CACNA1B: variants seen among roughly 807,000 people sequenced by gnomAD.
The protein encoded by CACNA1B is voltage-dependent N-type calcium channel subunit alpha-1B.
A neutral mutation model predicts 247.2 loss-of-function variants in CACNA1B; 70 were observed. That is an observed-to-expected ratio of 0.28 (90% CI 0.23 to 0.35). The LOEUF (loss-of-function observed/expected upper bound fraction) is 0.35. Among genes scored for constraint, CACNA1B ranks in the 10% least tolerant of loss-of-function variants. The pLI is 1.00. For synonymous variants in CACNA1B, 1,231 were observed against 1,294.4 expected (o/e 0.95, Z 1.05); for missense variants, 2,367 against 3,197.4 (o/e 0.74, Z 6.26).
rs912916466 is a variant in CACNA1B, at chr9:137,954,553, C to T, written c.1071-1145C>T. 3.3e-5 allele frequency among the ~76,000 whole-genome samples: 5 copies of T among 152,110 alleles called. No homozygotes were observed. Among genetic ancestry groups the T allele is most frequent in the Non-Finnish European group, 7.4e-5 (5 of 68,008 alleles). ...CTCAGATCAGTTCAAGCAGTGATGTCCTTGCCCTTCCCCTGCCCCCCAGGC... is the reference window on the plus strand; with the variant it reads ...CTCAGATCAGTTCAAGCAGTGATGTTCTTGCCCTTCCCCTGCCCCCCAGGC... On this transcript the variant is annotated intron_variant, in intron 7 of 46. Coordinates refer to ENST00000371372, the MANE Select transcript of CACNA1B (RefSeq NM_000718.4). This position sits in a 1 kb window ranked among gnomAD's most constrained non-coding sequence, Gnocchi z 4.1.
Position 138,122,051 on chromosome 9 carries a change from G to A in CACNA1B, c.*52G>A. Reference sequence around the variant, plus strand: ...CATGCAGCAGGCGTGTGTTCCAGTGGATGAGTTTTATCATCCACACGGGGC... The same window carrying A: ...CATGCAGCAGGCGTGTGTTCCAGTGAATGAGTTTTATCATCCACACGGGGC... On this transcript the variant is annotated 3_prime_UTR_variant, in exon 47 of 47. Transcript: ENST00000371372. 4.7e-6 allele frequency: 7 copies of A among 1,501,998 alleles called. No individual in the cohort carries two copies. The highest frequency in any genetic ancestry group is 5.4e-6 in the Non-Finnish European group (6 of 1,119,908). The allele number at this position is 1,501,998 out of a possible 1,614,324, so 93.0% of individuals were successfully genotyped here. A position where few individuals can be genotyped will look rare whatever the true frequency, so the allele number is the denominator to read the frequency against.
chr9:137,949,034 T>C (rs953362683), intron 6 of CACNA1B, among the ~76,000 whole-genome samples: 5 of 146,192 alleles, frequency 3.4e-5, no homozygotes, highest in African/African-American at 1.3e-4. Context: ...GGTGTATACG[T>C]GTGTGGTGTG....
In CACNA1B at chr9:137,914,343, C is replaced by A. The variant is rs1032356447; in HGVS notation, c.623-311C>A. 1.3e-5 allele frequency among the ~76,000 whole-genome samples: 2 copies of A among 151,964 alleles called. No homozygotes were observed. Among genetic ancestry groups the A allele is most frequent in the African/African-American group, 4.8e-5 (2 of 41,326 alleles). ...CTCTGTTGCCCCACCCTGAGCCCCACTCCCCACCCCAGACTTCATACCCTG... is the reference window on the plus strand; with the variant it reads ...CTCTGTTGCCCCACCCTGAGCCCCAATCCCCACCCCAGACTTCATACCCTG... On this transcript the variant is annotated intron_variant, in intron 4 of 46. Transcript: ENST00000371372. This position sits in a 1 kb window ranked among gnomAD's most constrained non-coding sequence, Gnocchi z 4.3.
chr9:138,038,785 G>A (rs1959078887), intron 20 of CACNA1B, among the ~76,000 whole-genome samples: 1 of 152,250 alleles, frequency 6.6e-6, no homozygotes, highest in African/African-American at 2.4e-5. Context: ...GAACCTGACT[G>A]GAGATGCCCT....
intron 43 of CACNA1B, 62 bp downstream of exon 43, chr9:138,118,143 GTT>G: frequency 2.5e-6 from 1 of 401,030 alleles, no homozygotes; most frequent in Non-Finnish European, 3.5e-6. Context: ...GATGGGGGAT[GTT>G]TGAGACTGGG....
chr9:138,000,136 T>C (rs1293433020), intron 15 of CACNA1B, among the ~76,000 whole-genome samples: 2 of 150,518 alleles, frequency 1.3e-5, no homozygotes, highest in South Asian at 2.1e-4. Context: ...TCTCGCTCTG[T>C]CGCCCAGGCT....
rs1406321377 is a variant in CACNA1B, at chr9:138,020,543, T to C, written c.2268-2468T>C. Among the ~76,000 whole-genome samples, 3 of 152,064 alleles carry C rather than the reference T, an allele frequency of 2.0e-5. No individual in the cohort carries two copies. The highest frequency in any genetic ancestry group is 4.2e-4 in the South Asian group (2 of 4,806). ...CAGATTCAGAGACCTAGGGGATACC[T>C]CCAGAGAGGAACTTGGTGGTGCTGG... is the stretch of plus-strand genomic sequence containing the variant. On this transcript the variant is annotated intron_variant, in intron 18 of 46. Transcript: ENST00000371372. This position sits in a 1 kb window ranked among gnomAD's most constrained non-coding sequence, Gnocchi z 4.1.
Position 138,121,422 on chromosome 9 carries a change from T to A in CACNA1B, c.6490-47T>A. The A allele has an allele frequency of 1.6e-6, 2 of 1,266,438 alleles. No individual in the cohort carries two copies. Among genetic ancestry groups the A allele is most frequent in the African/African-American group, 1.5e-5 (1 of 66,754 alleles). 78.5% of individuals were successfully genotyped at this position (1,266,438 alleles called of 1,614,324 possible). On this transcript the variant is annotated intron_variant, in intron 46 of 46. Transcript: ENST00000371372. This position sits in a 1 kb window ranked among gnomAD's most constrained non-coding sequence, Gnocchi z 6.8. ...TGCTCTGTCTGTTGGTTCGGCTTTT[T>A]TTTTTTTTTTTTTACCTCTGATTTG...
intron 39 of CACNA1B, among the ~76,000 whole-genome samples, chr9:138,106,695 C>G (rs113447687): frequency 6.6e-6 from 1 of 152,100 alleles, no homozygotes; most frequent in Non-Finnish European, 1.5e-5. Context: ...ACCTGGGAGG[C>G]GGAGGTTGCA....
rs1478522199 is a variant in CACNA1B, at chr9:137,955,043, C to T, written c.1071-655C>T. Among the ~76,000 whole-genome samples, 1 of 151,992 alleles carries T rather than the reference C, an allele frequency of 6.6e-6. No individual in the cohort carries two copies. The highest frequency in any genetic ancestry group is 1.5e-5 in the Non-Finnish European group (1 of 67,994). ...GGTCACCATGACGGCTGTGAAGGCTCAGGCGGGGCTGGGGTGAGATGTCGG... is the reference window on the plus strand; with the variant it reads ...GGTCACCATGACGGCTGTGAAGGCTTAGGCGGGGCTGGGGTGAGATGTCGG... On this transcript the variant is annotated intron_variant, in intron 7 of 46. Coordinates refer to ENST00000371372, the MANE Select transcript of CACNA1B (RefSeq NM_000718.4). This position sits in a 1 kb window ranked among gnomAD's most constrained non-coding sequence, Gnocchi z 6.9.
chr9:138,026,136 A>C (rs1958918383), intron 20 of CACNA1B, among the ~76,000 whole-genome samples: 2 of 152,190 alleles, frequency 1.3e-5, no homozygotes, highest in Non-Finnish European at 1.5e-5. Flanking sequence ...ACACATGTGC[A>C]TGACATTCTC....
chr9:138,109,262 A>G (rs1468343495), intron 39 of CACNA1B, among the ~76,000 whole-genome samples: 1 of 152,262 alleles, frequency 6.6e-6, no homozygotes, highest in African/African-American at 2.4e-5. Context: ...TCTACAAATG[A>G]TGCTGGAGAA....
intron 31 of CACNA1B, among the ~76,000 whole-genome samples, chr9:138,064,775 C>T (rs768712652): frequency 6.6e-6 from 1 of 152,202 alleles, no homozygotes; most frequent in Non-Finnish European, 1.5e-5. Flanking sequence ...TGCCATGGAG[C>T]CTCTGCAGCT....
intron 42 of CACNA1B, among the ~76,000 whole-genome samples, chr9:138,116,388 C>A (rs972823097): frequency 2.6e-5 from 4 of 152,194 alleles, no homozygotes; most frequent in African/African-American, 9.6e-5. Context: ...ATCACTTTTT[C>A]CCACTGTGGC....
intron 6 of CACNA1B, among the ~76,000 whole-genome samples, chr9:137,938,671 A>G (rs1366140824): frequency 6.6e-6 from 1 of 152,258 alleles, no homozygotes; most frequent in East Asian, 1.9e-4. Context: ...GGGACATTAT[A>G]TAATGATAAA....
chr9:137,952,649 ACAGGAGGTGTGGTCTG>A lies in CACNA1B; in HGVS notation c.1070+273_1070+288del, dbSNP rs1957891659. On this transcript the variant is annotated intron_variant, in intron 7 of 46. Coordinates refer to ENST00000371372, the MANE Select transcript of CACNA1B (RefSeq NM_000718.4). This position sits in a 1 kb window ranked among gnomAD's most constrained non-coding sequence, Gnocchi z 4.8. Reference sequence around the variant, plus strand: ...TAGCTGCCACTACTCATCTGGGTAGACAGGAGGTGTGGTCTGTAATGGGAGGTTGGTCTGGGGGGAT... The same window carrying A: ...TAGCTGCCACTACTCATCTGGGTAGATAATGGGAGGTTGGTCTGGGGGGAT... Among the ~76,000 whole-genome samples, 1 of 151,314 alleles carries A rather than the reference ACAGGAGGTGTGGTCTG, an allele frequency of 6.6e-6. No homozygotes were observed. Among genetic ancestry groups the A allele is most frequent in the African/African-American group, 2.4e-5 (1 of 41,060 alleles).
intron 6 of CACNA1B, among the ~76,000 whole-genome samples, chr9:137,925,720 G>A (rs2133297039): frequency 6.6e-6 from 1 of 151,192 alleles, no homozygotes; most frequent in Non-Finnish European, 1.5e-5. Flanking sequence ...CTAAAATACC[G>A]ATAACATAAA....
chr9:138,103,871 C>T (rs550754016), intron 38 of CACNA1B, among the ~76,000 whole-genome samples: 5 of 152,268 alleles, frequency 3.3e-5, no homozygotes, highest in Non-Finnish European at 7.3e-5. Context: ...CTTTGTCACC[C>T]GACTCAGTGC....
chr9:137,996,666 T>A (rs1020411894), intron 15 of CACNA1B, among the ~76,000 whole-genome samples: 6 of 152,132 alleles, frequency 3.9e-5, no homozygotes, highest in African/African-American at 7.2e-5. Flanking sequence ...AAATAAATTT[T>A]AAAAAATTTA....
Sources: allele counts gnomAD v4.1 joint callset (sites outside exome capture counted in the v4.1 genomes callset), GRCh38; gene constraint gnomAD v4.1.1; non-coding constraint Gnocchi (gnomAD v3.1); transcripts MANE v1.5; gene names NCBI Gene and HGNC (gene_info 2026-07-23, HGNC 2026-07-21).